Variants in NUP133 observed in about 807,000 individuals in gnomAD.
NUP133 encodes nuclear pore complex protein Nup133.
NUP133 carries 66 observed loss-of-function variants against 146.2 expected under a neutral mutation model. The observed-to-expected ratio is 0.45, with a 90% CI of 0.37 to 0.55. The LOEUF (loss-of-function observed/expected upper bound fraction) is 0.55, where lower values mean the gene tolerates loss of function less well. Ranked by LOEUF, NUP133 falls within the 20% of genes least tolerant of loss-of-function variation. The pLI is 0.00. For synonymous variants in NUP133, 521 were observed against 498.8 expected (o/e 1.04, Z -0.59); for missense variants, 1,277 against 1,374.8 (o/e 0.93, Z 1.12).
At chr1:229,498,486 T>C (rs762724729) in intron 5 of NUP133, among the ~76,000 whole-genome samples, 180 bp from the exon 6 acceptor site, 1 of 152,190 alleles carries the variant, frequency 6.6e-6, no homozygotes, top group Non-Finnish European at 1.5e-5. Flanking sequence ...ATATTATTAA[T>C]CCTACATAGA....
chr1:229,441,000 C>A lies in NUP133; in HGVS notation c.*904G>T, dbSNP rs80145187. On this transcript the variant is annotated 3_prime_UTR_variant, in exon 26 of 26. Coordinates refer to ENST00000261396, the MANE Select transcript of NUP133 (RefSeq NM_018230.3). Reference sequence around the variant, plus strand: ...GACATGCCAGCAACTCCCTGTCCAACCTCTGGCCTTTATTTAAAACCCAGA... The same window carrying A: ...GACATGCCAGCAACTCCCTGTCCAAACTCTGGCCTTTATTTAAAACCCAGA... 0.012 allele frequency: 1,903 copies of A among 159,394 alleles called. 16 individuals carry two copies. Among genetic ancestry groups the A allele is most frequent in the Middle Eastern group, 0.02 (6 of 306 alleles). The allele number at this position is 159,394 out of a possible 1,614,324, so 9.9% of individuals were successfully genotyped here.
At chr1:229,507,099 A>T (rs1205155376) in intron 1 of NUP133, among the ~76,000 whole-genome samples, 3 of 152,216 alleles carry the variant, frequency 2.0e-5, no homozygotes, top group African/African-American at 7.2e-5. Context: ...AATGATCACA[A>T]GAAGAGATTT....
Position 229,450,589 on chromosome 1 carries a change from T to A in NUP133, c.3116A>T (p.Glu1039Val). 6.4e-7 allele frequency: 1 copy of A among 1,562,658 alleles called. No individual in the cohort carries two copies. Among genetic ancestry groups the A allele is most frequent in the South Asian group, 1.1e-5 (1 of 87,386 alleles). Residue 1039 changes from glutamate (E) to valine (V), a missense_variant, in exon 23 of 26, where the codon GAA (glutamate) becomes GTA (valine). Coordinates refer to ENST00000261396, the MANE Select transcript of NUP133 (RefSeq NM_018230.3). Reference protein sequence around the residue: ...PQLIGLYICEENRRANEYDFK... With the variant: ...PQLIGLYICEVNRRANEYDFK... ...ATCATATTCATTAGCTCTTCTATTT[T>A]CTTCACAGATATATAGCTATGACAA... is the stretch of plus-strand genomic sequence containing the variant.
chr1:229,464,670 C>T lies in NUP133; in HGVS notation c.2505G>A (p.Leu835=). The T allele has an allele frequency of 1.2e-6, 2 of 1,614,150 alleles. No homozygotes were observed. Among genetic ancestry groups the T allele is most frequent in the African/African-American group, 2.7e-5 (2 of 75,044 alleles). The change falls in exon 18 of 26, where the codon CTG becomes CTA. Residue 835 remains leucine (L), a synonymous_variant. Transcript: ENST00000261396. ...ATCTTTTCTGTAGGTATTCCATCTC[C>T]AGATTGTCATATCTTTCCCGATTAC... is the stretch of plus-strand genomic sequence containing the variant. The part of the protein sequence containing the change: ...KSSNRERYDN[L]EMEYLQKRSD...
intron 11 of NUP133, 29 bp from the exon 12 acceptor site, chr1:229,484,174 G>A: frequency 2.0e-6 from 3 of 1,502,186 alleles, no homozygotes; most frequent in Non-Finnish European, 2.8e-6. Flanking sequence ...TAGTTTAGAG[G>A]TAAAGGCATC....
intron 2 of NUP133, among the ~76,000 whole-genome samples, chr1:229,505,564 TAAAAAAAA>T (rs56383157): frequency 0.01 from 647 of 63,254 alleles, 11 homozygotes; most frequent in African/African-American, 0.034. Context: ...CAATTACAGT[TAAAAAAAA>T]AAAAAAAAAA....
At chr1:229,483,587 C>T (rs867928016) in intron 12 of NUP133, among the ~76,000 whole-genome samples, 1 of 151,724 alleles carries the variant, frequency 6.6e-6, no homozygotes, top group African/African-American at 2.4e-5. Flanking sequence ...CGCCTGCAGT[C>T]CCAGCTACTT....
chr1:229,444,495 G>A (rs1011131248), intron 25 of NUP133, among the ~76,000 whole-genome samples: 1 of 152,058 alleles, frequency 6.6e-6, no homozygotes, highest in Non-Finnish European at 1.5e-5. Context: ...TTCAGTCTGT[G>A]GCATTTTTAC....
rs1356175957 is a variant in NUP133 at position 229,500,882 on chromosome 1, C to T, written c.406-19G>A. On this transcript the variant is annotated intron_variant, in intron 3 of 25. Coordinates refer to ENST00000261396, the MANE Select transcript of NUP133 (RefSeq NM_018230.3). Reference sequence around the variant, plus strand: ...CGGATAACTGTAGAACAAACCCAAACAGAAAATCTTTCACATCAAATCCAG... The same window carrying T: ...CGGATAACTGTAGAACAAACCCAAATAGAAAATCTTTCACATCAAATCCAG... 6.6e-7 allele frequency: 1 copy of T among 1,518,422 alleles called. No homozygotes were observed. The highest frequency in any genetic ancestry group is 9.1e-7 in the Non-Finnish European group (1 of 1,101,556). The allele number at this position is 1,518,422 out of a possible 1,614,324, so 94.1% of individuals were successfully genotyped here. A position where few individuals can be genotyped will look rare whatever the true frequency, so the allele number is the denominator to read the frequency against.
Position 229,508,176 on chromosome 1 carries a change from G to C in NUP133, c.74C>G (p.Pro25Arg). ...SRRGPLAGLG[P>R]GSTPRTASRK... Reference sequence around the variant, plus strand: ...GCTAGCCGTCCGGGGCGTGGAGCCGGGCCCGAGTCCGGCCAGCGGGCCCCT... The same window carrying C: ...GCTAGCCGTCCGGGGCGTGGAGCCGCGCCCGAGTCCGGCCAGCGGGCCCCT... The change falls in exon 1 of 26, where the codon CCC becomes CGC. Residue 25 changes from proline (P) to arginine (R), a missense_variant. Coordinates refer to ENST00000261396, the MANE Select transcript of NUP133 (RefSeq NM_018230.3). 1.2e-5 allele frequency: 19 copies of C among 1,589,362 alleles called. No homozygotes were observed. The highest frequency in any genetic ancestry group is 1.5e-5 in the Non-Finnish European group (17 of 1,169,546).
intron 8 of NUP133, among the ~76,000 whole-genome samples, chr1:229,495,073 T>C (rs1449009687): frequency 6.6e-6 from 1 of 152,134 alleles, no homozygotes; most frequent in African/African-American, 2.4e-5. Flanking sequence ...TAAGGCTTAA[T>C]AGATAGCATG....
At chr1:229,502,161 G>C in intron 2 of NUP133, 59 bp from the exon 3 acceptor site, 3 of 1,284,288 alleles carry the variant, frequency 2.3e-6, no homozygotes, top group Non-Finnish European at 3.4e-6. Flanking sequence ...ATTACCACAC[G>C]CTTTATCAAA....
At position 229,495,522 on chromosome 1, in the gene NUP133, A is replaced by C. The variant is rs527826684; in HGVS notation, c.1019T>G (p.Ile340Ser). The C allele has an allele frequency of 1.2e-6, 2 of 1,612,258 alleles. No homozygotes were observed. Among genetic ancestry groups the C allele is most frequent in the South Asian group, 2.2e-5 (2 of 91,028 alleles). Residue 340 changes from isoleucine (I) to serine (S), a missense_variant, in exon 8 of 26, where the codon ATT (isoleucine) becomes AGT (serine). Physicochemically the swap from Ile to Ser is moderately radical, Grantham distance 142. Transcript: ENST00000261396. Reference protein sequence around the residue: ...NYEAIKEGVNIRYLDLKQNCD... With the variant: ...NYEAIKEGVNSRYLDLKQNCD... ...GTTTTGCTTCAAGTCCAAATATCGAATGTTGACTCCTTCTTTAATAGCTTC... is the reference window on the plus strand; with the variant it reads ...GTTTTGCTTCAAGTCCAAATATCGACTGTTGACTCCTTCTTTAATAGCTTC...
chr1:229,505,748 C>T (rs1340238516), intron 2 of NUP133, among the ~76,000 whole-genome samples: 3 of 151,516 alleles, frequency 2.0e-5, no homozygotes, highest in Non-Finnish European at 4.4e-5. Context: ...ATTAGCTGGG[C>T]GTGGTGGCTC....
At position 229,508,258 on chromosome 1, in the gene NUP133, G is replaced by A. The variant is rs747300661; in HGVS notation, c.-9C>T. 13 of 1,496,610 alleles carry A rather than the reference G, an allele frequency of 8.7e-6. No homozygotes were observed. The East Asian group carries it at 2.6e-4, about 30-fold the overall frequency. The allele number at this position is 1,496,610 out of a possible 1,614,324, so 92.7% of individuals were successfully genotyped here. ...GGGGCGGCTGGGAACATGACTCCAA[G>A]GAGCAGCGACTAGGACAGCGAGGGA... On this transcript the variant is annotated 5_prime_UTR_variant, in exon 1 of 26. Coordinates refer to ENST00000261396, the MANE Select transcript of NUP133 (RefSeq NM_018230.3).
At chr1:229,443,933 A>C (rs1660244469) in intron 25 of NUP133, among the ~76,000 whole-genome samples, 1 of 134,052 alleles carries the variant, frequency 7.5e-6, no homozygotes, top group Admixed American at 8.1e-5. Context: ...TAGGGACAGG[A>C]TCTCCCTATG....
At chr1:229,502,558 CAAAAAAAA>C (rs58520087) in intron 2 of NUP133, among the ~76,000 whole-genome samples, 1 of 43,118 alleles carries the variant, frequency 2.3e-5, no homozygotes, top group Non-Finnish European at 4.3e-5. Context: ...GACTCCATCT[CAAAAAAAA>C]AAAAAAAAAA....
Position 229,441,306 on chromosome 1 carries a change from TAG to T in NUP133, c.*596_*597del, listed in dbSNP as rs1451129644. ...GTTTCATTCACTAAAATACTTTCAT[TAG>T]TGCTCATTTATTATTTATGTAGAAA... On this transcript the variant is annotated 3_prime_UTR_variant, in exon 26 of 26. Transcript: ENST00000261396. 3 of 429,448 alleles carry T rather than the reference TAG, an allele frequency of 7.0e-6. No homozygotes were observed. Among genetic ancestry groups the T allele is most frequent in the Admixed American group, 5.6e-5 (2 of 35,512 alleles). 26.6% of individuals were successfully genotyped at this position (429,448 alleles called of 1,614,324 possible).
At chr1:229,472,719 T>TATATATATATATATATATATATATATAC (rs1660988704) in intron 14 of NUP133, among the ~76,000 whole-genome samples, 1 of 146,630 alleles carries the variant, frequency 6.8e-6, no homozygotes, top group Non-Finnish European at 1.5e-5. Context: ...TATATATATA[T>TATATATATATATATATATATATATATAC]ATATATATGT....
Sources: gnomAD v4.1 joint callset for allele counts (sites outside exome capture counted in the v4.1 genomes callset) on GRCh38, gnomAD v4.1.1 for gene constraint, MANE v1.5 for transcripts, NCBI Gene and HGNC (gene_info 2026-07-23, HGNC 2026-07-21) for gene names.